The following EIF2D variants were observed in gnomAD, a reference collection of about 807,000 sequenced individuals.
EIF2D encodes hepatocellular carcinoma-associated antigen 56.
A neutral mutation model predicts 77.4 loss-of-function variants in EIF2D; 56 were observed. The observed-to-expected ratio is 0.72, with a 90% CI of 0.58 to 0.90. The LOEUF (loss-of-function observed/expected upper bound fraction) is 0.90, where lower values mean the gene tolerates loss of function less well. Among genes scored for constraint, EIF2D ranks in the 40% least tolerant of loss-of-function variants. The pLI is 0.00. For synonymous variants in EIF2D, 230 were observed against 271.0 expected (o/e 0.85, Z 1.49); for missense variants, 574 against 706.5 (o/e 0.81, Z 2.13).
intron 7 of EIF2D, 130 bp from the exon 8 acceptor site, chr1:206,600,438 T>A: frequency 3.8e-6 from 3 of 780,232 alleles, no homozygotes; most frequent in Non-Finnish European, 4.2e-6. Flanking sequence ...GTGCCAGAAC[T>A]CTCTGCCCAG....
At position 206,579,196 on chromosome 1, in the gene EIF2D, G is replaced by C. The variant is rs1553405756; in HGVS notation, c.*254+1496C>G. Among the ~76,000 whole-genome samples, 1 of 152,204 alleles carries C rather than the reference G, an allele frequency of 6.6e-6. No homozygotes were observed. Among genetic ancestry groups the C allele is most frequent in the East Asian group, 1.9e-4 (1 of 5,204 alleles). ...GGACATGCCAAGTGCATTGGGAACA[G>C]CTCAGCCATCTGCCACCAATGCCAG... On this transcript the variant is annotated intron_variant and NMD_transcript_variant, in intron 4 of 5. Coordinates refer to the EIF2D transcript ENST00000472709. This position sits in a 1 kb window ranked among gnomAD's most constrained non-coding sequence, Gnocchi z 4.2.
intron 2 of EIF2D, among the ~76,000 whole-genome samples, chr1:206,610,328 G>A (rs534725197): frequency 7.2e-5 from 11 of 152,256 alleles, no homozygotes; most frequent in South Asian, 6.2e-4. Context: ...AGACCAGCCC[G>A]AGCAACATAG....
intron 6 of EIF2D, 104 bp downstream of exon 6, chr1:206,602,843 TCCTC>T: frequency 6.8e-7 from 1 of 1,468,816 alleles, no homozygotes; most frequent in Non-Finnish European, 9.1e-7. Flanking sequence ...GACCTTCCCC[TCCTC>T]CCCCGGAAGC....
intron 3 of EIF2D, among the ~76,000 whole-genome samples, chr1:206,608,641 C>A (rs1553413211): frequency 2.6e-5 from 4 of 152,194 alleles, no homozygotes; most frequent in Non-Finnish European, 5.9e-5. Flanking sequence ...TTTTTATGAC[C>A]CCTTCACCCA....
intron 12 of EIF2D, 151 bp from the exon 13 acceptor site, chr1:206,595,989 C>T (rs1669627356): frequency 1.8e-6 from 2 of 1,096,638 alleles, no homozygotes; most frequent in Non-Finnish European, 2.6e-6. Flanking sequence ...TAGGGAGCTA[C>T]AGCCCAGATC....
At position 206,584,975 on chromosome 1, in the gene EIF2D, T is replaced by C. The variant is rs995429758; in HGVS notation, c.139-3813A>G. Reference sequence around the variant, plus strand: ...CTAATCTTTCAGGAGATGATGTGAATGGAATCATGCTTTAAACTCTGAGCA... The same window carrying C: ...CTAATCTTTCAGGAGATGATGTGAACGGAATCATGCTTTAAACTCTGAGCA... On this transcript the variant is annotated intron_variant and NMD_transcript_variant, in intron 2 of 5. Coordinates refer to the EIF2D transcript ENST00000472709. This position sits in a 1 kb window ranked among gnomAD's most constrained non-coding sequence, Gnocchi z 4.9. 1.6e-6 allele frequency: 1 copy of C among 608,396 alleles called. No homozygotes were observed. The highest frequency in any genetic ancestry group is 2.9e-5 in the Admixed American group (1 of 34,120). The allele number at this position is 608,396 out of a possible 1,614,324, so 37.7% of individuals were successfully genotyped here. A position where few individuals can be genotyped will look rare whatever the true frequency, so the allele number is the denominator to read the frequency against.
At chr1:206,610,730 A>G (rs1670437777) in intron 2 of EIF2D, among the ~76,000 whole-genome samples, 1 of 152,218 alleles carries the variant, frequency 6.6e-6, no homozygotes, top group African/African-American at 2.4e-5. Flanking sequence ...CTGAGGCAAG[A>G]GAATGGTGTG....
intron 1 of EIF2D, 50 bp from the exon 2 acceptor site, chr1:206,611,424 T>C: frequency 6.6e-7 from 1 of 1,516,158 alleles, no homozygotes; most frequent in Non-Finnish European, 9.0e-7. Context: ...AGACTTTTAA[T>C]AAATATCAAG....
intron 2 of EIF2D, among the ~76,000 whole-genome samples, chr1:206,581,919 A>G (rs2103567673): frequency 6.6e-6 from 1 of 152,086 alleles, no homozygotes; most frequent in East Asian, 1.9e-4. Context: ...TGGTGATGTG[A>G]CGTCGCGGCA....
chr1:206,612,368 G>C lies in EIF2D; in HGVS notation c.-26C>G, dbSNP rs1553414266. 2.5e-6 allele frequency: 4 copies of C among 1,614,248 alleles called. No homozygotes were observed. The highest frequency in any genetic ancestry group is 8.5e-7 in the Non-Finnish European group (1 of 1,180,014). On this transcript the variant is annotated 5_prime_UTR_variant, in exon 1 of 15. Coordinates refer to ENST00000271764, the MANE Select transcript of EIF2D (RefSeq NM_006893.3). ...GTCTGCTGGGGTGGCCTGGGGAAGA[G>C]AGCACAGAAGCCAGGGAATGTCAAG...
rs1669688149 is a variant in EIF2D at position 206,597,161 on chromosome 1, T to C, written c.1327A>G (p.Ile443Val). The change falls in exon 12 of 15, where the codon ATC becomes GTC. Residue 443 changes from isoleucine to valine, a missense_variant. By Grantham distance (29) the Ile-to-Val change is conservative. Transcript: ENST00000271764. ...GTATGCTGTTCATTTTTCTCTAAGA[T>C]GCAGTCACATAGGATGGGATCCAAT... is the stretch of plus-strand genomic sequence containing the variant. ...VRLDPILCDC[I>V]LEKNEQHTVM... 1 of 1,614,042 alleles carries C rather than the reference T, an allele frequency of 6.2e-7. No individual in the cohort carries two copies. The highest frequency in any genetic ancestry group is 8.5e-7 in the Non-Finnish European group (1 of 1,179,940).
Position 206,592,128 on chromosome 1 carries a change from G to T in EIF2D, c.1685-283C>A, listed in dbSNP as rs1669368228. ...CTCTTGCTCATAACATTTCTTCTCA[G>T]TACCTTGTATGGGGTTCTTCACATA... On this transcript the variant is annotated intron_variant, in intron 14 of 14. Transcript: ENST00000271764. This position sits in a 1 kb window ranked among gnomAD's most constrained non-coding sequence, Gnocchi z 4.7. 6.6e-6 allele frequency among the ~76,000 whole-genome samples: 1 copy of T among 152,214 alleles called. No individual in the cohort carries two copies. Among genetic ancestry groups the T allele is most frequent in the South Asian group, 2.1e-4 (1 of 4,836 alleles).
chr1:206,584,775 C>T lies in EIF2D; in HGVS notation c.139-3613G>A, dbSNP rs781929500. ...AACTCCTGCCGGCCTTGGGTGGGAG[C>T]TGTGGGCTTCTCCTGAGCACCAGGG... On this transcript the variant is annotated intron_variant and NMD_transcript_variant, in intron 2 of 5. Transcript: ENST00000472709. This position sits in a 1 kb window ranked among gnomAD's most constrained non-coding sequence, Gnocchi z 4.9. 1 of 1,378,998 alleles carries T rather than the reference C, an allele frequency of 7.3e-7. No individual in the cohort carries two copies. The highest frequency in any genetic ancestry group is 2.4e-5 in the East Asian group (1 of 41,208). The allele number at this position is 1,378,998 out of a possible 1,614,324, so 85.4% of individuals were successfully genotyped here. A position where few individuals can be genotyped will look rare whatever the true frequency, so the allele number is the denominator to read the frequency against.
At chr1:206,586,970 C>T (rs1669143212), downstream of EIF2D, 1 of 1,614,040 alleles carries the variant, frequency 6.2e-7, no homozygotes, top group Non-Finnish European at 8.5e-7. Flanking sequence ...CCAGGGCAAA[C>T]CTGGGTAACC....
At position 206,579,807 on chromosome 1, in the gene EIF2D, C is replaced by T. The variant is rs760806895; in HGVS notation, c.*254+885G>A. Among the ~76,000 whole-genome samples the T allele has an allele frequency of 1.3e-5, 2 of 152,212 alleles. No individual in the cohort carries two copies. Among genetic ancestry groups the T allele is most frequent in the Non-Finnish European group, 2.9e-5 (2 of 68,046 alleles). ...TTAAGAACCACTGGTCTGGATTATA[C>T]GCCATCTCTTGGGTGGAAAAAGGAT... is the stretch of plus-strand genomic sequence containing the variant. On this transcript the variant is annotated intron_variant and NMD_transcript_variant, in intron 4 of 5. Transcript: ENST00000472709. The surrounding 1 kb of genome is among the most constrained non-coding windows in gnomAD (Gnocchi z 4.2).
intron 13 of EIF2D, 110 bp downstream of exon 13, chr1:206,595,607 TC>T: frequency 1.5e-6 from 2 of 1,366,058 alleles, no homozygotes; most frequent in South Asian, 1.5e-5. Context: ...CATAAAAAAA[TC>T]TTTGATGAGT....
chr1:206,573,094 T>C (rs575583784), intron 4 of EIF2D, among the ~76,000 whole-genome samples: 91 of 152,356 alleles, frequency 6.0e-4, no homozygotes, highest in African/African-American at 2.1e-3. Context: ...GTGCTTACTG[T>C]GTACTTTGTG....
At chr1:206,571,759 A>C (rs1668459292) in intron 5 of EIF2D, among the ~76,000 whole-genome samples, 1 of 152,190 alleles carries the variant, frequency 6.6e-6, no homozygotes, top group African/African-American at 2.4e-5. Context: ...TGGTCAGATG[A>C]AGGGCTCAGG....
At position 206,597,177 on chromosome 1, in the gene EIF2D, GGGAT is replaced by G. The variant is rs1669690646; in HGVS notation, c.1307_1310del (p.Asp436AlafsTer8). 6.2e-7 allele frequency: 1 copy of G among 1,613,674 alleles called. No homozygotes were observed. Among genetic ancestry groups the G allele is most frequent in the Non-Finnish European group, 8.5e-7 (1 of 1,179,776 alleles). On this transcript the variant is annotated frameshift_variant, in exon 12 of 15. Transcript: ENST00000271764. LOFTEE classifies it high-confidence loss of function. ...TCTCTAAGATGCAGTCACATAGGAT[GGGAT>G]CCAATCTCACAAGACTAAAGGGAAA...
Sources: gnomAD v4.1 joint callset for allele counts (sites outside exome capture counted in the v4.1 genomes callset) on GRCh38, gnomAD v4.1.1 for gene constraint, Gnocchi (gnomAD v3.1) non-coding constraint, MANE v1.5 for transcripts, NCBI Gene and HGNC (gene_info 2026-07-23, HGNC 2026-07-21) for gene names.